CSMD1: variants seen among roughly 807,000 people sequenced by gnomAD.
CSMD1 encodes CUB and sushi domain-containing protein 1.
Under a neutral mutation model 417.5 loss-of-function variants are expected in CSMD1, and 213 were observed. The ratio of observed to expected loss-of-function variants is 0.51; its 90% CI spans 0.46 to 0.57. The LOEUF (loss-of-function observed/expected upper bound fraction) is 0.57, where lower values mean the gene tolerates loss of function less well. CSMD1 is among the 20% of genes least tolerant of loss of function. CSMD1 has a pLI of 0.00. For synonymous variants in CSMD1, 2,862 were observed against 1,736.8 expected, an observed-to-expected ratio of 1.65 and a Z score of -16.11; for missense variants, 6,923 against 4,529.7, an observed-to-expected ratio of 1.53 and a Z score of -15.17.
chr8:3,129,660 A>C (rs1261735617), intron 41 of CSMD1, among the ~76,000 whole-genome samples: 1 of 151,074 alleles, frequency 6.6e-6, no homozygotes, highest in Admixed American at 6.6e-5. Flanking sequence ...CTGTAATCCC[A>C]GCTACTCAGC....
At chr8:3,138,443 C>CTT (rs1818236286) in intron 41 of CSMD1, among the ~76,000 whole-genome samples, 2 of 152,178 alleles carry the variant, frequency 1.3e-5, no homozygotes, top group African/African-American at 4.8e-5. Flanking sequence ...CACCACCACA[C>CTT]TTCATTTTGA....
At chr8:4,878,557 T>A (rs144221382) in intron 1 of CSMD1, among the ~76,000 whole-genome samples, 1 of 151,916 alleles carries the variant, frequency 6.6e-6, no homozygotes, top group African/African-American at 2.4e-5. Flanking sequence ...CCCCCAAAAG[T>A]CAATAGAATA....
At chr8:4,593,154 T>G (rs1022936350) in intron 2 of CSMD1, among the ~76,000 whole-genome samples, 1 of 152,148 alleles carries the variant, frequency 6.6e-6, no homozygotes, top group Non-Finnish European at 1.5e-5. Context: ...GGTCTCAGCA[T>G]TGAGAGGACC....
At chr8:2,952,048 A>G (rs544483948) in intron 65 of CSMD1, among the ~76,000 whole-genome samples, 1 of 152,358 alleles carries the variant, frequency 6.6e-6, no homozygotes, top group Non-Finnish European at 1.5e-5. Flanking sequence ...TTAAGAAAAA[A>G]ATAAACTTAT....
chr8:4,440,891 G>T, intron 2 of CSMD1, among the ~76,000 whole-genome samples: 2 of 151,456 alleles, frequency 1.3e-5, no homozygotes, highest in African/African-American at 4.8e-5. Flanking sequence ...CAGCTACTTG[G>T]GAGACTGAGG....
intron 10 of CSMD1, among the ~76,000 whole-genome samples, chr8:3,549,938 G>A (rs575406547): frequency 6.6e-6 from 1 of 152,172 alleles, no homozygotes; most frequent in African/African-American, 2.4e-5. Flanking sequence ...AGAAAATTCA[G>A]GCAATTGAAA....
intron 2 of CSMD1, among the ~76,000 whole-genome samples, chr8:4,588,120 G>A (rs1585293640): frequency 1.3e-5 from 2 of 152,164 alleles, no homozygotes; most frequent in South Asian, 4.2e-4. Context: ...TAGCTAGAGT[G>A]GATAATAATT....
At chr8:4,324,671 A>G (rs6990448) in intron 3 of CSMD1, among the ~76,000 whole-genome samples, 1,682 of 152,346 alleles carry the variant, frequency 0.011, 31 homozygotes, top group African/African-American at 0.038. Flanking sequence ...GATCCAGCTC[A>G]GAGGATATAA....
intron 3 of CSMD1, among the ~76,000 whole-genome samples, chr8:4,128,337 A>T (rs1647341): frequency 6.6e-6 from 1 of 152,166 alleles, no homozygotes; most frequent in Non-Finnish European, 1.5e-5. Flanking sequence ...ATGAGGAGAC[A>T]AGAACGTGAA....
chr8:3,272,999 T>G (rs1037349350), intron 26 of CSMD1, among the ~76,000 whole-genome samples: 1 of 151,262 alleles, frequency 6.6e-6, no homozygotes, highest in Non-Finnish European at 1.5e-5. Context: ...AGGGCATCCC[T>G]GTCTTGTGCC....
rs115871720 is a variant in CSMD1 at position 3,759,808 on chromosome 8, T to G, written c.819-5766A>C. Among the ~76,000 whole-genome samples the G allele has an allele frequency of 8.6e-3, 1,225 of 143,134 alleles. 22 individuals carry two copies. Among genetic ancestry groups the G allele is most frequent in the African/African-American group, 0.031 (1,163 of 37,962 alleles). The allele number at this position is 143,134 out of a possible 152,430, so 93.9% of individuals were successfully genotyped here. On this transcript the variant is annotated intron_variant, in intron 5 of 69. Transcript: ENST00000635120. ...CTGTAATCGCAGCTACTCGGGAAGA[T>G]GAGGGAGGAGAATTGTTTGAACCTG... is the stretch of plus-strand genomic sequence containing the variant.
At chr8:4,092,491 G>C (rs992078263) in intron 3 of CSMD1, among the ~76,000 whole-genome samples, 1 of 151,282 alleles carries the variant, frequency 6.6e-6, no homozygotes, top group South Asian at 2.1e-4. Context: ...TAAGCATATT[G>C]TCTTTAAGTT....
At chr8:4,362,566 A>T (rs1801833619) in intron 3 of CSMD1, among the ~76,000 whole-genome samples, 1 of 152,208 alleles carries the variant, frequency 6.6e-6, no homozygotes, top group South Asian at 2.1e-4. Context: ...TGGATAATAT[A>T]GCCCCGTGAA....
At chr8:3,133,131 G>A (rs1033573517) in intron 41 of CSMD1, among the ~76,000 whole-genome samples, 5 of 152,214 alleles carry the variant, frequency 3.3e-5, no homozygotes, top group Admixed American at 6.5e-5. Context: ...CTGCAGCGTG[G>A]GCCGGCACAC....
chr8:4,888,799 G>C (rs1253509555), intron 1 of CSMD1, among the ~76,000 whole-genome samples: 1 of 152,050 alleles, frequency 6.6e-6, no homozygotes, highest in Non-Finnish European at 1.5e-5. Flanking sequence ...ATATCAAAAG[G>C]TCACAAAGGC....
At chr8:4,714,463 C>A (rs77970043) in intron 1 of CSMD1, among the ~76,000 whole-genome samples, 1 of 152,126 alleles carries the variant, frequency 6.6e-6, no homozygotes, top group African/African-American at 2.4e-5. Context: ...AATACATAAG[C>A]GCTTTCATAT....
intron 6 of CSMD1, among the ~76,000 whole-genome samples, chr8:3,724,808 A>T (rs1383317500): frequency 6.6e-6 from 1 of 152,268 alleles, no homozygotes; most frequent in Non-Finnish European, 1.5e-5. Flanking sequence ...CCATCAGCAG[A>T]AACTGTAGGT....
chr8:3,940,088 T>C (rs1300517783), intron 5 of CSMD1, among the ~76,000 whole-genome samples: 1 of 152,142 alleles, frequency 6.6e-6, no homozygotes, highest in Non-Finnish European at 1.5e-5. Flanking sequence ...AACTTATAAA[T>C]GCAGATACGC....
intron 50 of CSMD1, among the ~76,000 whole-genome samples, chr8:3,049,584 G>C (rs909700857): frequency 6.6e-6 from 1 of 151,788 alleles, no homozygotes. Context: ...TTGGATGCAG[G>C]AAGGCGTGAA....
Sources: allele counts gnomAD v4.1 joint callset (sites outside exome capture counted in the v4.1 genomes callset), GRCh38; gene constraint gnomAD v4.1.1; transcripts MANE v1.5; gene names NCBI Gene and HGNC (gene_info 2026-07-23, HGNC 2026-07-21).